The following ZNF451 variants were observed in gnomAD, a reference collection of about 807,000 sequenced individuals.
ZNF451 encodes zinc finger protein 451, also known as E3 SUMO-protein ligase ZNF451.
Under a neutral mutation model 107.1 loss-of-function variants are expected in ZNF451, and 80 were observed. The ratio of observed to expected loss-of-function variants is 0.75; its 90% CI spans 0.62 to 0.90. The LOEUF (loss-of-function observed/expected upper bound fraction) is 0.90, where lower values mean the gene tolerates loss of function less well. Among genes scored for constraint, ZNF451 ranks in the 40% least tolerant of loss-of-function variants. ZNF451 has a pLI of 0.00. For synonymous variants in ZNF451, 362 were observed against 406.5 expected (o/e 0.89, Z 1.32); for missense variants, 1,107 against 1,236.2 (o/e 0.90, Z 1.57).
chr6:57,094,616 A>T (rs1371061034), intron 2 of ZNF451, among the ~76,000 whole-genome samples: 1 of 152,210 alleles, frequency 6.6e-6, no homozygotes, highest in East Asian at 1.9e-4. Context: ...ATAAGTAGTA[A>T]TTATAAATAT....
intron 3 of ZNF451, chr6:57,102,969 C>G: frequency 1.0e-6 from 1 of 985,424 alleles, no homozygotes; most frequent in Non-Finnish European, 1.2e-6. Context: ...ATGGTAGTCT[C>G]TCACTGTAAG....
At chr6:57,108,801 C>G (rs1208739656) in intron 3 of ZNF451, 1 of 985,290 alleles carries the variant, frequency 1.0e-6, no homozygotes, top group African/African-American at 1.7e-5. Context: ...AGGCTCTGTG[C>G]TGATTGCAAG....
At chr6:57,104,384 G>A (rs1219757077) in intron 3 of ZNF451, 1 of 985,360 alleles carries the variant, frequency 1.0e-6, no homozygotes. Flanking sequence ...AAGTGTTTCT[G>A]ACTAGCTAAG....
chr6:57,102,219 G>C, intron 3 of ZNF451: 4 of 1,404,072 alleles, frequency 2.8e-6, no homozygotes, highest in Non-Finnish European at 3.7e-6. Flanking sequence ...TGTCTGGAAT[G>C]ATCACAGCTG....
chr6:57,137,785 C>T (rs183199026), intron 7 of ZNF451, among the ~76,000 whole-genome samples: 6 of 152,286 alleles, frequency 3.9e-5, no homozygotes, highest in Admixed American at 3.9e-4. Flanking sequence ...TAGGCAACCA[C>T]TAAGCTACTT....
At chr6:57,164,328 T>G (rs1366372120) in intron 14 of ZNF451, among the ~76,000 whole-genome samples, 1 of 152,226 alleles carries the variant, frequency 6.6e-6, no homozygotes, top group African/African-American at 2.4e-5. Context: ...TATGGGAATA[T>G]TAGTATACCT....
intron 3 of ZNF451, chr6:57,106,111 C>T (rs1471079639): frequency 1.0e-6 from 1 of 985,180 alleles, no homozygotes; most frequent in Non-Finnish European, 1.2e-6. Context: ...AGGATAACCT[C>T]TCAGGTACTG....
At position 57,092,013 on chromosome 6, in the gene ZNF451, G is replaced by A. The variant is rs542826861; in HGVS notation, c.105+1119G>A. Among the ~76,000 whole-genome samples the A allele has an allele frequency of 2.0e-5, 3 of 152,274 alleles. No individual in the cohort carries two copies. The South Asian group carries it at 6.2e-4, about 32-fold the overall frequency. On this transcript the variant is annotated intron_variant, in intron 2 of 14. Transcript: ENST00000370706. ...TGATCTTCTACGGATTTGGAGTAGAGGATGGGGGTGAATTGTATCCTGTCC... is the reference window on the plus strand; with the variant it reads ...TGATCTTCTACGGATTTGGAGTAGAAGATGGGGGTGAATTGTATCCTGTCC...
Position 57,147,398 on chromosome 6 carries a change from C to A in ZNF451, c.1313C>A (p.Ser438Ter). 6.2e-7 allele frequency: 1 copy of A among 1,613,996 alleles called. No individual in the cohort carries two copies. Among genetic ancestry groups the A allele is most frequent in the Non-Finnish European group, 8.5e-7 (1 of 1,179,952 alleles). Residue 438 changes from serine (S) to a stop codon, truncating the protein, a stop_gained, in exon 10 of 15, where the codon TCA (serine) becomes TAA (stop). Transcript: ENST00000370706. LOFTEE classifies it high-confidence loss of function. ...ACCATGTCTATTAAAGAATCTAGCT[C>A]ACTGGAGTGCATTGCCATTCCAAAA... Reference protein sequence around the residue: ...KRTMSIKESSSLECIAIPKKK... With the variant: ...KRTMSIKESS
At chr6:57,113,849 C>T (rs1200430501) in intron 3 of ZNF451, among the ~76,000 whole-genome samples, 1 of 152,078 alleles carries the variant, frequency 6.6e-6, no homozygotes, top group Non-Finnish European at 1.5e-5. Flanking sequence ...TCTCGATCTC[C>T]TGACCTCGTG....
At chr6:57,149,674 T>C (rs1009025274) in intron 10 of ZNF451, among the ~76,000 whole-genome samples, 1 of 152,184 alleles carries the variant, frequency 6.6e-6, no homozygotes, top group Non-Finnish European at 1.5e-5. Flanking sequence ...ATTTTTAGAG[T>C]CTTGCTCTAT....
At chr6:57,138,731 ATATATATATATG>A (rs1287898352) in intron 7 of ZNF451, among the ~76,000 whole-genome samples, 4 of 113,276 alleles carry the variant, frequency 3.5e-5, no homozygotes, top group Non-Finnish European at 7.3e-5. Flanking sequence ...ATATATATAT[ATATATATATATG>A]TGTGTGTGTG....
chr6:57,138,429 A>C (rs1448177439), intron 7 of ZNF451, among the ~76,000 whole-genome samples: 1 of 151,132 alleles, frequency 6.6e-6, no homozygotes, highest in Non-Finnish European at 1.5e-5. Context: ...CACCCGGCTA[A>C]TTTTTTGTAT....
chr6:57,150,979 T>C (rs1832316786), intron 11 of ZNF451, 117 bp downstream of exon 11: 1 of 1,237,078 alleles, frequency 8.1e-7, no homozygotes, highest in Non-Finnish European at 1.1e-6. Flanking sequence ...ATTGGAATAT[T>C]GTTCTTTTGT....
chr6:57,098,239 A>G (rs949537679), intron 2 of ZNF451, among the ~76,000 whole-genome samples: 1 of 151,318 alleles, frequency 6.6e-6, no homozygotes, highest in Non-Finnish European at 1.5e-5. Context: ...CTAAAAGTAC[A>G]CAAATTAGCC....
intron 5 of ZNF451, among the ~76,000 whole-genome samples, chr6:57,130,125 C>A (rs956626831): frequency 6.6e-6 from 1 of 152,112 alleles, no homozygotes; most frequent in East Asian, 1.9e-4. Flanking sequence ...AAAGAATGCT[C>A]AACATAGAGA....
intron 3 of ZNF451, chr6:57,102,844 A>G (rs1048841263): frequency 1.0e-6 from 1 of 985,434 alleles, no homozygotes. Context: ...CAAGACTTTG[A>G]TGGCCACCAT....
chr6:57,105,487 A>G, intron 3 of ZNF451: 8 of 985,200 alleles, frequency 8.1e-6, no homozygotes, highest in Non-Finnish European at 9.6e-6. Flanking sequence ...TTAATCTTGT[A>G]GTTTATCATT....
At chr6:57,163,067 T>G (rs946043534) in intron 14 of ZNF451, among the ~76,000 whole-genome samples, 2 of 152,194 alleles carry the variant, frequency 1.3e-5, no homozygotes, top group Non-Finnish European at 2.9e-5. Context: ...GTGGTTCACT[T>G]AAGTTAAGGA....
Sources: allele counts gnomAD v4.1 joint callset (sites outside exome capture counted in the v4.1 genomes callset), GRCh38; gene constraint gnomAD v4.1.1; transcripts MANE v1.5; gene names NCBI Gene and HGNC (gene_info 2026-07-23, HGNC 2026-07-21).